XDH: variants seen among roughly 807,000 people sequenced by gnomAD.
The protein encoded by XDH is xanthine dehydrogenase/oxidase.
XDH carries 138 observed loss-of-function variants against 156.1 expected under a neutral mutation model. That is an observed-to-expected ratio of 0.88 (90% CI 0.77 to 1.02). The LOEUF is 1.02. Ranked by LOEUF, XDH falls within the 50% of genes least tolerant of loss-of-function variation. XDH has a pLI of 0.00. For missense variants in XDH, 1,849 were observed against 1,684.9 expected, an observed-to-expected ratio of 1.10 and a Z score of -1.71; for synonymous variants, 669 against 625.7, an observed-to-expected ratio of 1.07 and a Z score of -1.03.
chr2:31,349,017 A>G (rs374244312), intron 26 of XDH, 37 bp from the exon 27 acceptor site: 100 of 1,582,808 alleles, frequency 6.3e-5, no homozygotes, highest in Admixed American at 1.0e-4. Flanking sequence ...AACCTTCGCT[A>G]TCATATTGAG....
chr2:31,378,796 C>A (rs1468199547), intron 13 of XDH, among the ~76,000 whole-genome samples: 2 of 151,544 alleles, frequency 1.3e-5, no homozygotes, highest in Admixed American at 6.6e-5. Context: ...CCATACCTGG[C>A]AAATAAAAAC....
intron 23 of XDH, 73 bp from the exon 24 acceptor site, chr2:31,364,317 T>C: frequency 1.4e-6 from 2 of 1,431,948 alleles, no homozygotes; most frequent in African/African-American, 2.8e-5. Context: ...CCTCTGATCC[T>C]CCCTCCCACT....
At chr2:31,371,322 C>T (rs1209633095) in intron 17 of XDH, among the ~76,000 whole-genome samples, 1 of 152,132 alleles carries the variant, frequency 6.6e-6, no homozygotes, top group Non-Finnish European at 1.5e-5. Context: ...ATCCTAATTC[C>T]CATTTTATGT....
At chr2:31,369,835 T>C (rs991760547) in intron 18 of XDH, among the ~76,000 whole-genome samples, 3 of 152,250 alleles carry the variant, frequency 2.0e-5, no homozygotes, top group Non-Finnish European at 2.9e-5. Flanking sequence ...TGGATGTCTA[T>C]TGGAATTACA....
Position 31,368,031 on chromosome 2 carries a change from A to G in XDH, c.2127T>C (p.Tyr709=), listed in dbSNP as rs764972741. The G allele has an allele frequency of 1.2e-5, 20 of 1,614,188 alleles. No individual in the cohort carries two copies. The highest frequency in any genetic ancestry group is 1.7e-5 in the Non-Finnish European group (20 of 1,180,002). ...IEDAIKNNSF[Y]GPELKIEKGD... is the part of the protein sequence containing the mutation. ...CTTTCTCGATCTTCAGCTCAGGTCC[A>G]TAAAAGGAGTTGTTCTTTATAGCAT... The change falls in exon 20 of 36, where the codon TAT becomes TAC. Residue 709 remains tyrosine, a synonymous_variant. Transcript: ENST00000379416.
At chr2:31,411,957 AAGTGAGTGAGTG>A (rs45455193) in intron 1 of XDH, among the ~76,000 whole-genome samples, 12 of 150,452 alleles carry the variant, frequency 8.0e-5, no homozygotes, top group Admixed American at 2.7e-4. Flanking sequence ...AATGATGAGT[AAGTGAGTGAGTG>A]AGTGAGTGAG....
chr2:31,405,038 G>C (rs987468197), intron 2 of XDH, among the ~76,000 whole-genome samples: 11 of 152,230 alleles, frequency 7.2e-5, no homozygotes, highest in Admixed American at 7.2e-4. Flanking sequence ...AGAGTTGCCA[G>C]TGCGGGTGAG....
At chr2:31,356,726 G>C (rs1296569911) in intron 24 of XDH, among the ~76,000 whole-genome samples, 3 of 152,144 alleles carry the variant, frequency 2.0e-5, no homozygotes, top group African/African-American at 4.8e-5. Context: ...GTGGTGATTT[G>C]TTATAACAGC....
chr2:31,366,732 G>T, intron 21 of XDH, 138 bp downstream of exon 21: 1 of 1,350,958 alleles, frequency 7.4e-7, no homozygotes, highest in Non-Finnish European at 1.0e-6. Context: ...AAAGAGTCTG[G>T]CTCCAGGACT....
intron 29 of XDH, among the ~76,000 whole-genome samples, chr2:31,347,047 T>C (rs1156973923): frequency 2.0e-5 from 3 of 152,198 alleles, no homozygotes; most frequent in African/African-American, 4.8e-5. Context: ...CACTAGTCCC[T>C]GCTTGGAGAG....
chr2:31,357,810 A>T (rs887310884), intron 24 of XDH, among the ~76,000 whole-genome samples: 4 of 152,124 alleles, frequency 2.6e-5, no homozygotes, highest in African/African-American at 9.7e-5. Context: ...CTGTATCAAA[A>T]CATCATATGT....
In XDH at chr2:31,370,291, T is replaced by C. The variant is rs1391966306; in HGVS notation, c.1980+64A>G. The C allele has an allele frequency of 1.8e-5, 29 of 1,578,008 alleles. 1 individual carries two copies. Among genetic ancestry groups the C allele is most frequent in the Non-Finnish European group, 2.2e-5 (25 of 1,151,044 alleles). ...TTTCCAGATCAGGAGTTTGGAGCAA[T>C]GTACACAAATTAAAACTTCAATACT... On this transcript the variant is annotated intron_variant, in intron 18 of 35. Transcript: ENST00000379416.
chr2:31,397,833 T>C, intron 5 of XDH, 104 bp from the exon 6 acceptor site: 1 of 1,304,468 alleles, frequency 7.7e-7, no homozygotes, highest in Non-Finnish European at 1.1e-6. Flanking sequence ...TTTACCAGGC[T>C]GCATATTCTG....
chr2:31,408,329 G>C (rs1687247877), intron 1 of XDH, among the ~76,000 whole-genome samples: 1 of 152,190 alleles, frequency 6.6e-6, no homozygotes, highest in Non-Finnish European at 1.5e-5. Context: ...CAAGTGGATT[G>C]CTATAGAGAA....
intron 31 of XDH, among the ~76,000 whole-genome samples, chr2:31,343,314 A>ATGTT (rs1266024650): frequency 7.7e-6 from 1 of 129,782 alleles, no homozygotes; most frequent in Non-Finnish European, 1.7e-5. Flanking sequence ...ATATATATAT[A>ATGTT]TATATATATA....
At chr2:31,380,332 C>T (rs1042098349) in intron 12 of XDH, among the ~76,000 whole-genome samples, 5 of 152,294 alleles carry the variant, frequency 3.3e-5, no homozygotes, top group Admixed American at 3.3e-4. Context: ...GACTGCTGTC[C>T]TCTGTAGGGG....
Position 31,366,899 on chromosome 2 carries a change from C to A in XDH, c.2293G>T (p.Val765Leu). Residue 765 changes from valine (V) to leucine (L), a missense_variant, in exon 21 of 36, where the codon GTG becomes TTG. Physicochemically the swap from Val to Leu is conservative, Grantham distance 32. Coordinates refer to ENST00000379416, the MANE Select transcript of XDH (RefSeq NM_000379.4). ...KGEAGEMELF[V>L]STQNTMKTQS... Reference sequence around the variant, plus strand: ...GTCTTCATGGTGTTCTGTGTAGACACAAAGAGCTCCATCTCCCCTGCCTCG... The same window carrying A: ...GTCTTCATGGTGTTCTGTGTAGACAAAAAGAGCTCCATCTCCCCTGCCTCG... The A allele has an allele frequency of 6.2e-7, 1 of 1,614,216 alleles. No homozygotes were observed. Among genetic ancestry groups the A allele is most frequent in the Non-Finnish European group, 8.5e-7 (1 of 1,180,032 alleles).
At chr2:31,397,332 C>T (rs1015021773) in intron 6 of XDH, among the ~76,000 whole-genome samples, 7 of 152,204 alleles carry the variant, frequency 4.6e-5, no homozygotes, top group African/African-American at 1.4e-4. Flanking sequence ...AGCACCTGTG[C>T]CATGGGCTGA....
chr2:31,411,100 G>A (rs1227511703), intron 1 of XDH, among the ~76,000 whole-genome samples: 1 of 151,654 alleles, frequency 6.6e-6, no homozygotes, highest in Non-Finnish European at 1.5e-5. Flanking sequence ...TGGCCAAGAT[G>A]GTAGAACCCC....
Sources: allele counts gnomAD v4.1 joint callset (sites outside exome capture counted in the v4.1 genomes callset), GRCh38; gene constraint gnomAD v4.1.1; transcripts MANE v1.5; gene names NCBI Gene and HGNC (gene_info 2026-07-23, HGNC 2026-07-21).